The following GUCY1A2 variants were observed in gnomAD, a reference collection of about 807,000 sequenced individuals.
GUCY1A2 encodes the protein guanylate cyclase 1 soluble subunit alpha 2.
GUCY1A2 carries 27 observed loss-of-function variants against 63.5 expected under a neutral mutation model. The ratio of observed to expected loss-of-function variants is 0.43; its 90% CI spans 0.31 to 0.59. The LOEUF (loss-of-function observed/expected upper bound fraction) is 0.59. GUCY1A2 is among the 20% of genes least tolerant of loss of function. GUCY1A2 has a pLI of 0.11. For synonymous variants in GUCY1A2, 364 were observed against 343.5 expected (o/e 1.06, Z -0.66); for missense variants, 768 against 913.3 (o/e 0.84, Z 2.05).
intron 5 of GUCY1A2, among the ~76,000 whole-genome samples, chr11:106,795,237 T>C (rs1027523517): frequency 6.6e-6 from 1 of 152,134 alleles, no homozygotes; most frequent in Non-Finnish European, 1.5e-5. Context: ...TTAGCTACCA[T>C]TGCACTGTCA....
At chr11:106,838,093 T>C (rs1859141401) in intron 4 of GUCY1A2, among the ~76,000 whole-genome samples, 1 of 151,922 alleles carries the variant, frequency 6.6e-6, no homozygotes, top group Admixed American at 6.6e-5. Context: ...GCTTTCCCAA[T>C]GTCACCTCCA....
intron 4 of GUCY1A2, among the ~76,000 whole-genome samples, chr11:106,886,422 T>A (rs1236110834): frequency 6.6e-6 from 1 of 152,132 alleles, no homozygotes; most frequent in Non-Finnish European, 1.5e-5. Context: ...TGCCTACATA[T>A]TTCTTTCTCA....
Position 107,017,939 on chromosome 11 carries a change from G to A in GUCY1A2, c.117C>T (p.Ser39=). 1.5e-6 allele frequency: 2 copies of A among 1,352,366 alleles called. No homozygotes were observed. Among genetic ancestry groups the A allele is most frequent in the Non-Finnish European group, 1.9e-6 (2 of 1,044,368 alleles). The allele number at this position is 1,352,366 out of a possible 1,614,324, so 83.8% of individuals were successfully genotyped here. A position where few individuals can be genotyped will look rare whatever the true frequency, so the allele number is the denominator to read the frequency against. The change falls in exon 1 of 8, where the codon AGC becomes AGT. Residue 39 remains serine (S), a synonymous_variant. Transcript: ENST00000526355. The stretch of plus-strand genomic sequence containing the variant: ...GCTCCAGCGGCCCGGGCGGGCTCCG[G>A]CTGCCATTCCAGCAGAGCCTAGACA... ...CPLSRLCWNG[S]RSPPGPLEPS... is the part of the protein sequence containing the mutation.
At chr11:106,720,491 A>G (rs1271130274) in intron 6 of GUCY1A2, among the ~76,000 whole-genome samples, 1 of 152,196 alleles carries the variant, frequency 6.6e-6, no homozygotes, top group African/African-American at 2.4e-5. Context: ...CAATCTTGGC[A>G]AGTTAAACAT....
chr11:106,762,776 T>C lies in GUCY1A2; in HGVS notation c.1836+13663A>G, dbSNP rs529247077. On this transcript the variant is annotated intron_variant, in intron 6 of 7. Coordinates refer to ENST00000526355, the MANE Select transcript of GUCY1A2 (RefSeq NM_000855.3). ...TGATGATTTGGGACTCATTAAGCAG[T>C]AGTTTGCTCATATTAATTTCTGCCA... Among the ~76,000 whole-genome samples the C allele has an allele frequency of 3.3e-5, 5 of 152,236 alleles. 1 individual carries two copies. In the South Asian group the frequency reaches 1.0e-3, roughly 32 times the overall value.
intron 4 of GUCY1A2, among the ~76,000 whole-genome samples, chr11:106,847,597 C>A (rs1386697377): frequency 6.6e-6 from 1 of 151,456 alleles, no homozygotes; most frequent in Non-Finnish European, 1.5e-5. Context: ...TTAGTGGAAG[C>A]TTCCTGAAAA....
At chr11:106,744,115 TAC>T (rs1301813283) in intron 6 of GUCY1A2, among the ~76,000 whole-genome samples, 3 of 152,106 alleles carry the variant, frequency 2.0e-5, no homozygotes, top group African/African-American at 7.2e-5. Flanking sequence ...GGAAAAGAAA[TAC>T]AGTTTCCTAT....
intron 6 of GUCY1A2, among the ~76,000 whole-genome samples, chr11:106,715,104 C>G (rs1001729119): frequency 1.3e-5 from 2 of 152,086 alleles, no homozygotes; most frequent in African/African-American, 4.8e-5. Flanking sequence ...TAAAATAATG[C>G]AAAACTCTGG....
intron 1 of GUCY1A2, among the ~76,000 whole-genome samples, chr11:107,008,287 A>C (rs1276475525): frequency 1.3e-5 from 1 of 79,220 alleles, no homozygotes; most frequent in East Asian, 2.5e-4. Flanking sequence ...TCAAAAAAAA[A>C]AAAAAAAAAA....
intron 5 of GUCY1A2, among the ~76,000 whole-genome samples, chr11:106,798,998 G>A (rs1864819583): frequency 1.3e-5 from 2 of 152,194 alleles, no homozygotes; most frequent in African/African-American, 2.4e-5. Context: ...TGACATGATT[G>A]TATATTTAGA....
At position 106,913,901 on chromosome 11, in the gene GUCY1A2, G is replaced by A. The variant is rs576991221; in HGVS notation, c.1206+25559C>T. 4.6e-5 allele frequency among the ~76,000 whole-genome samples: 7 copies of A among 151,058 alleles called. No individual in the cohort carries two copies. In the South Asian group the frequency reaches 8.4e-4, roughly 18 times the overall value. ...ATAGAAAAAGTACTAAATGTTAATC[G>A]GCAACCATCAAGCATAACCTGGCTA... On this transcript the variant is annotated intron_variant, in intron 4 of 7. Transcript: ENST00000526355.
intron 1 of GUCY1A2, among the ~76,000 whole-genome samples, chr11:107,009,445 C>CT (rs1371742363): frequency 6.6e-6 from 1 of 152,152 alleles, no homozygotes; most frequent in African/African-American, 2.4e-5. Context: ...CAAATTCACC[C>CT]TCACAACCAC....
At chr11:106,865,030 G>A (rs958099838) in intron 4 of GUCY1A2, among the ~76,000 whole-genome samples, 22 of 151,802 alleles carry the variant, frequency 1.4e-4, no homozygotes, top group Non-Finnish European at 2.9e-4. Flanking sequence ...GAATTTGCCC[G>A]TGAATCTGTC....
chr11:106,715,650 T>G (rs1195587457), intron 6 of GUCY1A2, among the ~76,000 whole-genome samples: 1 of 152,224 alleles, frequency 6.6e-6, no homozygotes, highest in Non-Finnish European at 1.5e-5. Context: ...CTTCTCCATC[T>G]TACTGTTCAT....
intron 4 of GUCY1A2, among the ~76,000 whole-genome samples, chr11:106,864,270 CT>C (rs982271247): frequency 3.3e-5 from 5 of 151,694 alleles, no homozygotes; most frequent in South Asian, 2.1e-4. Flanking sequence ...CTACCCAGGA[CT>C]TTTTTTAAAA....
At position 106,986,072 on chromosome 11, in the gene GUCY1A2, A is replaced by C; in HGVS notation, c.363T>G (p.Ile121Met). 7.0e-7 allele frequency: 1 copy of C among 1,423,622 alleles called. No homozygotes were observed. The highest frequency in any genetic ancestry group is 9.9e-7 in the Non-Finnish European group (1 of 1,006,320). The allele number at this position is 1,423,622 out of a possible 1,614,324, so 88.2% of individuals were successfully genotyped here. The change falls in exon 2 of 8, where the codon ATT becomes ATG. Residue 121 changes from isoleucine (I) to methionine (M), a missense_variant and splice_region_variant. Transcript: ENST00000526355. ...AACCGAAATCAATTTTTACTTACCC[A>C]ATAACTTGATGTTCATAATACTGCA... ...RTLQYYEHQV[I>M]GYRDAEKNFH...
chr11:107,004,572 C>A (rs1166425612), intron 1 of GUCY1A2, among the ~76,000 whole-genome samples: 1 of 151,802 alleles, frequency 6.6e-6, no homozygotes, highest in Non-Finnish European at 1.5e-5. Context: ...GCTGCAAAGC[C>A]CACAGAGAGC....
chr11:106,790,846 G>A (rs944476300), intron 5 of GUCY1A2, among the ~76,000 whole-genome samples: 4 of 152,130 alleles, frequency 2.6e-5, no homozygotes, highest in Admixed American at 1.3e-4. Context: ...TGGCTGAGCT[G>A]GTATCCAAGA....
intron 7 of GUCY1A2, 44 bp from the exon 8 acceptor site, chr11:106,687,800 A>G: frequency 7.6e-7 from 1 of 1,307,530 alleles, no homozygotes; most frequent in Non-Finnish European, 1.1e-6. Flanking sequence ...AGGCCAGGGA[A>G]ATGTAAATAC....
Sources: allele counts gnomAD v4.1 joint callset (sites outside exome capture counted in the v4.1 genomes callset), GRCh38; gene constraint gnomAD v4.1.1; transcripts MANE v1.5; gene names NCBI Gene and HGNC (gene_info 2026-07-23, HGNC 2026-07-21).